The following IFT57 variants were observed in gnomAD, a reference collection of about 807,000 sequenced individuals.
IFT57 encodes the protein intraflagellar transport 57, also known as intraflagellar transport protein 57 homolog.
Under a neutral mutation model 56.8 loss-of-function variants are expected in IFT57, and 59 were observed. That is an observed-to-expected ratio of 1.04 (90% CI 0.84 to 1.29). The LOEUF is 1.29. IFT57 is among the 50% of genes most tolerant of loss of function. IFT57 has a pLI of 0.00. For missense variants in IFT57, 470 were observed against 522.1 expected (o/e 0.90, Z 0.97); for synonymous variants, 209 against 186.1 (o/e 1.12, Z -1.00).
chr3:108,192,838 G>T (rs1341970866), intron 5 of IFT57, among the ~76,000 whole-genome samples: 2 of 151,424 alleles, frequency 1.3e-5, no homozygotes, highest in Non-Finnish European at 3.0e-5. Flanking sequence ...ACATGGCATG[G>T]TTTTTTTTAA....
At position 108,162,575 on chromosome 3, in the gene IFT57, C is replaced by T; in HGVS notation, c.1192G>A (p.Glu398Lys). The change falls in exon 11 of 11, where the codon GAA becomes AAA. Residue 398 changes from glutamate to lysine, a missense_variant. Coordinates refer to ENST00000264538, the MANE Select transcript of IFT57 (RefSeq NM_018010.4). ...AGCTTTGATTGGAGTAGTGTGTGTT[C>T]CACAATGCCAATTCTAATGTCCATC... Reference protein sequence around the residue: ...VEMDIRIGIVEHTLLQSKLKE... With the variant: ...VEMDIRIGIVKHTLLQSKLKE... 2 of 1,612,992 alleles carry T rather than the reference C, an allele frequency of 1.2e-6. No individual in the cohort carries two copies. Among genetic ancestry groups the T allele is most frequent in the Non-Finnish European group, 1.7e-6 (2 of 1,179,300 alleles).
At chr3:108,205,955 ATAAATAT>A (rs2080308640) in intron 5 of IFT57, among the ~76,000 whole-genome samples, 1 of 72,190 alleles carries the variant, frequency 1.4e-5, no homozygotes, top group Non-Finnish European at 3.3e-5. Context: ...TTTATAATAT[ATAAATAT>A]ATTATATATT....
chr3:108,196,692 C>T (rs987805089), intron 5 of IFT57, among the ~76,000 whole-genome samples: 1 of 152,052 alleles, frequency 6.6e-6, no homozygotes, highest in African/African-American at 2.4e-5. Flanking sequence ...CACTCGTAGG[C>T]CATAATTAAT....
chr3:108,206,017 T>A (rs2080310039), intron 5 of IFT57, among the ~76,000 whole-genome samples: 1 of 102,322 alleles, frequency 9.8e-6, no homozygotes, highest in South Asian at 2.7e-4. Flanking sequence ...TACTTATATA[T>A]AATATATTGT....
chr3:108,215,037 C>G (rs1444884185), intron 3 of IFT57, among the ~76,000 whole-genome samples: 4 of 152,032 alleles, frequency 2.6e-5, no homozygotes, highest in Admixed American at 6.6e-5. Flanking sequence ...TTTGATCAAT[C>G]TGAAGTTTAT....
At chr3:108,198,367 T>C (rs2080256813) in intron 5 of IFT57, among the ~76,000 whole-genome samples, 1 of 152,230 alleles carries the variant, frequency 6.6e-6, no homozygotes, top group South Asian at 2.1e-4. Context: ...TTTGATTTTC[T>C]TGTCATGCTT....
Position 108,199,755 on chromosome 3 carries a change from T to G in IFT57, c.654+6873A>C, listed in dbSNP as rs977078736. On this transcript the variant is annotated intron_variant, in intron 5 of 10. Coordinates refer to ENST00000264538, the MANE Select transcript of IFT57 (RefSeq NM_018010.4). Reference sequence around the variant, plus strand: ...CCTCACGAATAAAACATGCTAGTTATGTTTTATAGATTTATGGGTTTTTGT... The same window carrying G: ...CCTCACGAATAAAACATGCTAGTTAGGTTTTATAGATTTATGGGTTTTTGT... Among the ~76,000 whole-genome samples the G allele has an allele frequency of 1.8e-4, 28 of 152,182 alleles. 1 individual carries two copies. The highest frequency in any genetic ancestry group is 2.6e-4 in the Admixed American group (4 of 15,272).
chr3:108,177,370 A>G (rs1010317416), intron 6 of IFT57, among the ~76,000 whole-genome samples: 3 of 151,864 alleles, frequency 2.0e-5, no homozygotes, highest in Non-Finnish European at 4.4e-5. Context: ...TGAGACCTGC[A>G]TAACATTATA....
intron 2 of IFT57, 105 bp from the exon 3 acceptor site, chr3:108,218,758 A>G (rs952346783): frequency 4.0e-6 from 2 of 503,932 alleles, no homozygotes; most frequent in East Asian, 3.4e-5. Flanking sequence ...TTTCTTTCAA[A>G]TGATTTACAA....
chr3:108,209,619 G>A (rs1329345641), intron 4 of IFT57, among the ~76,000 whole-genome samples: 1 of 152,226 alleles, frequency 6.6e-6, no homozygotes, highest in African/African-American at 2.4e-5. Flanking sequence ...GAGTAAAGCA[G>A]GTTGCTATCA....
At chr3:108,221,906 TTC>T (rs941817920) in intron 1 of IFT57, 2 of 1,048,684 alleles carry the variant, frequency 1.9e-6, no homozygotes, top group Non-Finnish European at 2.7e-6. Flanking sequence ...AACTTATTTA[TTC>T]TCTCTACAAA....
chr3:108,173,838 T>C (rs1410964578), intron 6 of IFT57, among the ~76,000 whole-genome samples: 1 of 146,094 alleles, frequency 6.8e-6, no homozygotes, highest in Non-Finnish European at 1.5e-5. Flanking sequence ...TATACAGTAA[T>C]ATTAAACATT....
At position 108,165,464 on chromosome 3, in the gene IFT57, TC is replaced by T; in HGVS notation, c.1010del (p.Gly337GlufsTer3). On this transcript the variant is annotated frameshift_variant, in exon 9 of 11. Transcript: ENST00000264538. LOFTEE classifies it high-confidence loss of function. The part of the protein sequence containing the change: ...EAKERYQQGN[G>X]GVTERTRLLS... ...GGAGTCTGGTTCTTTCCGTCACTCC[TC>T]CATTTCCCTGCTGGTATCGCTCCTT... 1.2e-6 allele frequency: 2 copies of T among 1,612,790 alleles called. No homozygotes were observed.
intron 6 of IFT57, 94 bp downstream of exon 6, chr3:108,191,427 C>T: frequency 1.2e-6 from 1 of 804,408 alleles, no homozygotes; most frequent in South Asian, 2.7e-5. Flanking sequence ...TACTGCCCTT[C>T]TTTAATAATT....
intron 3 of IFT57, among the ~76,000 whole-genome samples, chr3:108,214,841 C>T (rs747795729): frequency 5.3e-5 from 8 of 152,028 alleles, no homozygotes; most frequent in African/African-American, 9.7e-5. Context: ...AATTGTTCCC[C>T]TAGTGTATTA....
At chr3:108,174,030 G>A (rs564946350) in intron 6 of IFT57, among the ~76,000 whole-genome samples, 4 of 150,808 alleles carry the variant, frequency 2.7e-5, no homozygotes, top group Non-Finnish European at 5.9e-5. Flanking sequence ...GTGTGTGTGT[G>A]TGTGTGTGTG....
At chr3:108,204,062 C>A (rs1009164842) in intron 5 of IFT57, among the ~76,000 whole-genome samples, 2 of 152,194 alleles carry the variant, frequency 1.3e-5, no homozygotes, top group African/African-American at 4.8e-5. Context: ...AATCTTAAAT[C>A]TATGATACTA....
intron 9 of IFT57, 145 bp from the exon 10 acceptor site, chr3:108,163,874 A>G (rs1216033287): frequency 1.3e-5 from 8 of 602,624 alleles, no homozygotes; most frequent in Non-Finnish European, 2.1e-5. Context: ...CATAATTCAA[A>G]TAATATAAAG....
At position 108,191,635 on chromosome 3, in the gene IFT57, G is replaced by A. The variant is rs182941979; in HGVS notation, c.663C>T (p.Asn221=). The change falls in exon 6 of 11, where the codon AAC becomes AAT. Residue 221 remains asparagine, a synonymous_variant. Transcript: ENST00000264538. ...AAATATCTTCTTGTTTGGCAGTCTC[G>A]TTCATATCCTAAGAAAGGAAAGATA... The part of the protein sequence containing the change: ...LKAQTYHLDM[N]ETAKQEDILE... The A allele has an allele frequency of 9.3e-5, 149 of 1,594,852 alleles. No individual in the cohort carries two copies. The highest frequency in any genetic ancestry group is 2.2e-4 in the Admixed American group (12 of 55,712).
Sources: allele counts gnomAD v4.1 joint callset (sites outside exome capture counted in the v4.1 genomes callset), GRCh38; gene constraint gnomAD v4.1.1; transcripts MANE v1.5; gene names NCBI Gene and HGNC (gene_info 2026-07-23, HGNC 2026-07-21).